TJP1: variants seen among roughly 807,000 people sequenced by gnomAD.
The protein encoded by TJP1 is tight junction protein 1.
In TJP1, 43 loss-of-function variants were observed where a neutral mutation model predicts 194.2. That is an observed-to-expected ratio of 0.22 (90% CI 0.17 to 0.29). The LOEUF is 0.29. Ranked by LOEUF, TJP1 falls within the 10% of genes least tolerant of loss-of-function variation. TJP1 has a pLI of 1.00. For missense variants in TJP1, 1,971 were observed against 2,185.7 expected, an observed-to-expected ratio of 0.90 and a Z score of 1.96; for synonymous variants, 801 against 779.0, an observed-to-expected ratio of 1.03 and a Z score of -0.47.
chr15:29,811,883 A>C (rs1156646702), intron 1 of TJP1, among the ~76,000 whole-genome samples: 1 of 152,096 alleles, frequency 6.6e-6, no homozygotes, highest in African/African-American at 2.4e-5. Context: ...TGAATGAATG[A>C]ATGAATGTCT....
In TJP1 at chr15:29,866,309, C is replaced by A. The variant is rs2052300553; in HGVS notation, c.307-65607G>T. ...TTTTCCGTCACAAATTTAGCATTAG[C>A]TTAAGTCATTAACTATATTTACAGC... On this transcript the variant is annotated intron_variant, in intron 2 of 28. Coordinates refer to the TJP1 transcript ENST00000356107. Among the ~76,000 whole-genome samples the A allele has an allele frequency of 2.6e-5, 4 of 152,310 alleles. No individual in the cohort carries two copies. The South Asian group carries it at 6.2e-4, about 24-fold the overall frequency.
At chr15:29,949,502 A>T (rs1199639684) in intron 2 of TJP1, among the ~76,000 whole-genome samples, 5 of 50,192 alleles carry the variant, frequency 1.0e-4, no homozygotes, top group East Asian at 1.0e-3. Flanking sequence ...CACCTCCACA[A>T]CCACCACCTC....
chr15:29,720,352 G>A lies in TJP1; in HGVS notation c.2763+6C>T, dbSNP rs2042854053. ...ATCTACAAAACGTTGAATGCTTGCT[G>A]CTTACCTGTTGAGAGGCTGGCTTAA... On this transcript the variant is annotated splice_donor_region_variant and intron_variant, in intron 19 of 27. Transcript: ENST00000614355. The A allele has an allele frequency of 6.4e-7, 1 of 1,561,594 alleles. No individual in the cohort carries two copies. The highest frequency in any genetic ancestry group is 1.4e-5 in the African/African-American group (1 of 72,996).
At chr15:29,724,020 A>C (rs1192806822) in intron 18 of TJP1, among the ~76,000 whole-genome samples, 1 of 152,238 alleles carries the variant, frequency 6.6e-6, no homozygotes, top group African/African-American at 2.4e-5. Context: ...AAGGACAAAC[A>C]TGAAACTCTT....
Position 29,761,223 on chromosome 15 carries a change from C to T in TJP1, c.926G>A (p.Arg309His), listed in dbSNP as rs1290180844. 8 of 1,613,916 alleles carry T rather than the reference C, an allele frequency of 5.0e-6. No individual in the cohort carries two copies. Among genetic ancestry groups the T allele is most frequent in the Middle Eastern group, 1.6e-4 (1 of 6,084 alleles). ...HSGRSHDRPPRRSRSRSPDQR... is the reference protein window; with the variant it reads ...HSGRSHDRPPHRSRSRSPDQR... ...GTCAGGAGATCGTGACCGGCTGCGG[C>T]GGGGAGGCCTATCGTGTGATCGACC... The change falls in exon 8 of 28, where the codon CGC (arginine) becomes CAC (histidine). Residue 309 changes from arginine to histidine, a missense_variant. Around this residue, in one of 5 missense-constraint regions of TJP1, gnomAD observed 192 missense variants for 182.3 expected, o/e 1.05. Coordinates refer to ENST00000614355, the MANE Select transcript of TJP1 (RefSeq NM_001330239.4).
At chr15:29,848,226 T>A (rs2051493969) in intron 2 of TJP1, among the ~76,000 whole-genome samples, 1 of 152,116 alleles carries the variant, frequency 6.6e-6, no homozygotes, top group South Asian at 2.1e-4. Context: ...GTTAATCAGA[T>A]CCTCTTAGAT....
chr15:29,806,513 C>T (rs1188914328), intron 1 of TJP1, among the ~76,000 whole-genome samples: 1 of 152,190 alleles, frequency 6.6e-6, no homozygotes, highest in African/African-American at 2.4e-5. Flanking sequence ...ATTAAGAACA[C>T]TCTGTGAACC....
chr15:29,909,674 T>G lies in TJP1; in HGVS notation c.306+46558A>C, dbSNP rs564275008. 2.0e-5 allele frequency among the ~76,000 whole-genome samples: 3 copies of G among 152,220 alleles called. No individual in the cohort carries two copies. The East Asian group carries it at 5.8e-4, about 30-fold the overall frequency. ...GGTTTCCCACTGTGCAAAGACCTGC[T>G]GCAGCCCTTAGGGTACTGCTCCCTG... On this transcript the variant is annotated intron_variant, in intron 2 of 28. Coordinates refer to the TJP1 transcript ENST00000356107.
At chr15:29,948,480 C>A (rs1469631735) in intron 2 of TJP1, among the ~76,000 whole-genome samples, 4 of 152,194 alleles carry the variant, frequency 2.6e-5, no homozygotes, top group African/African-American at 9.7e-5. Flanking sequence ...AGGCCAGAGC[C>A]TGGTCCAGCA....
chr15:29,720,734 A>C, intron 18 of TJP1, 26 bp from the exon 19 acceptor site: 1 of 1,535,136 alleles, frequency 6.5e-7, no homozygotes, highest in Non-Finnish European at 8.8e-7. Flanking sequence ...GTAAATTACA[A>C]ATTTTATTCA....
intron 1 of TJP1, chr15:29,968,128 C>G: frequency 1.0e-6 from 1 of 985,450 alleles, no homozygotes; most frequent in South Asian, 4.7e-5. Context: ...GTCGGAGGAA[C>G]TGGAACGCAT....
upstream of TJP1, among the ~76,000 whole-genome samples, chr15:29,826,167 A>G (rs1329868833): frequency 6.6e-6 from 1 of 151,168 alleles, no homozygotes; most frequent in African/African-American, 2.4e-5. Context: ...AAGAAGACAT[A>G]AACACTAAAA....
chr15:29,923,583 T>C (rs1179161228), intron 2 of TJP1, among the ~76,000 whole-genome samples: 1 of 152,152 alleles, frequency 6.6e-6, no homozygotes, highest in African/African-American at 2.4e-5. Flanking sequence ...TATGATTCTA[T>C]TTACATGGAA....
chr15:29,755,416 T>C (rs1261119021), intron 8 of TJP1, among the ~76,000 whole-genome samples: 1 of 152,220 alleles, frequency 6.6e-6, no homozygotes, highest in African/African-American at 2.4e-5. Flanking sequence ...ATAAGAGGTT[T>C]TGATCCCAAA....
At position 29,704,160 on chromosome 15, in the gene TJP1, A is replaced by G. The variant is rs1029122814; in HGVS notation, c.5212+2T>C. On this transcript the variant is annotated splice_donor_variant, in intron 27 of 27. Coordinates refer to ENST00000614355, the MANE Select transcript of TJP1 (RefSeq NM_001330239.4). LOFTEE classifies it high-confidence loss of function. ...CCAAAGGACAGAGTGAAGACAGCAT[A>G]CCCGACGAGGAGTCGGATGATTTTA... 3.2e-6 allele frequency: 5 copies of G among 1,554,286 alleles called. No homozygotes were observed. The highest frequency in any genetic ancestry group is 4.4e-6 in the Non-Finnish European group (5 of 1,148,056).
intron 2 of TJP1, among the ~76,000 whole-genome samples, chr15:29,858,543 T>G (rs1048396086): frequency 1.3e-5 from 2 of 152,102 alleles, no homozygotes; most frequent in Admixed American, 1.3e-4. Context: ...ACTGAAGAAT[T>G]ATTGCTTTCC....
intron 1 of TJP1, among the ~76,000 whole-genome samples, chr15:29,818,530 C>T (rs1257628864): frequency 1.3e-5 from 2 of 152,154 alleles, no homozygotes; most frequent in Non-Finnish European, 2.9e-5. Context: ...TTTGAGACAG[C>T]GTCTCGCTCT....
At chr15:29,895,949 T>G (rs1346043171) in intron 2 of TJP1, among the ~76,000 whole-genome samples, 2 of 152,190 alleles carry the variant, frequency 1.3e-5, no homozygotes, top group East Asian at 3.8e-4. Flanking sequence ...TAGTGCCGCC[T>G]TCTTCTGTCC....
intron 2 of TJP1, among the ~76,000 whole-genome samples, chr15:29,886,058 T>A (rs2053105015): frequency 6.6e-6 from 1 of 152,240 alleles, no homozygotes; most frequent in South Asian, 2.1e-4. Context: ...AAACCCCTCA[T>A]CATCTATAAT....
Sources: gnomAD v4.1 joint callset for allele counts (sites outside exome capture counted in the v4.1 genomes callset) on GRCh38, gnomAD v4.1.1 for gene constraint, gnomAD v4.1.1 regional missense constraint, MANE v1.5 for transcripts, NCBI Gene and HGNC (gene_info 2026-07-23, HGNC 2026-07-21) for gene names.